The following CRYL1 variants were observed in gnomAD, a reference collection of about 807,000 sequenced individuals.
CRYL1 encodes the protein crystallin lambda 1.
Under a neutral mutation model 36.6 loss-of-function variants are expected in CRYL1, and 29 were observed. That is an observed-to-expected ratio of 0.79 (90% confidence interval 0.59 to 1.08). CRYL1 has a LOEUF of 1.08. Ranked by LOEUF, CRYL1 falls within the 50% of genes least tolerant of loss-of-function variation. The probability of loss-of-function intolerance (pLI) is 0.00; values close to 1 mark genes in which losing one functional copy is unlikely to be tolerated. For missense variants in CRYL1, 411 were observed against 407.9 expected, an observed-to-expected ratio of 1.01 and a Z score of -0.06; for synonymous variants, 152 against 151.5, an observed-to-expected ratio of 1.00 and a Z score of -0.02.
rs766916866 is a variant in CRYL1 at position 20,413,341 on chromosome 13, C to T, written c.680G>A (p.Gly227Glu). The change falls in exon 6 of 8, where the codon GGG becomes GAG. Residue 227 changes from glycine (G) to glutamate (E), a missense_variant. Transcript: ENST00000298248. Reference sequence around the variant, plus strand: ...AATGAATGCATACCGCATGCCCAACCCTTCTGACATGACAAGGTCCAGGTC... The same window carrying T: ...AATGAATGCATACCGCATGCCCAACTCTTCTGACATGACAAGGTCCAGGTC... ...PSDLDLVMSE[G>E]LGMRYAFIGP... 5.0e-6 allele frequency: 8 copies of T among 1,613,826 alleles called. No individual in the cohort carries two copies. Among genetic ancestry groups the T allele is most frequent in the Admixed American group, 1.7e-5 (1 of 59,922 alleles).
chr13:20,507,210 T>C (rs1347688286), intron 2 of CRYL1, among the ~76,000 whole-genome samples: 1 of 152,248 alleles, frequency 6.6e-6, no homozygotes, highest in Non-Finnish European at 1.5e-5. Flanking sequence ...TAATACCGGA[T>C]GGTTTTTACA....
chr13:20,494,748 A>G (rs2137480417), intron 2 of CRYL1, among the ~76,000 whole-genome samples: 1 of 152,322 alleles, frequency 6.6e-6, no homozygotes, highest in East Asian at 1.9e-4. Flanking sequence ...ACCACCCCGG[A>G]ATGAGAATGT....
chr13:20,483,523 GTCTT>G (rs2033323346), intron 3 of CRYL1, among the ~76,000 whole-genome samples: 1 of 151,918 alleles, frequency 6.6e-6, no homozygotes. Flanking sequence ...GCTCTGTACA[GTCTT>G]TCTTTTATTT....
rs2034172375 is a variant in CRYL1, at chr13:20,525,397, C to G, written c.41+357G>C. Among the ~76,000 whole-genome samples, 1 of 152,232 alleles carries G rather than the reference C, an allele frequency of 6.6e-6. No individual in the cohort carries two copies. The highest frequency in any genetic ancestry group is 2.1e-4 in the South Asian group (1 of 4,834). ...GATCGCAGCCAGAATTCGTTTCATT[C>G]AACACGGTGCCTGGCACTTCTATGT... On this transcript the variant is annotated intron_variant, in intron 1 of 7. Transcript: ENST00000298248. This position sits in a 1 kb window ranked among gnomAD's most constrained non-coding sequence, Gnocchi z 4.3.
At chr13:20,511,876 C>G (rs533229705) in intron 2 of CRYL1, among the ~76,000 whole-genome samples, 1 of 152,364 alleles carries the variant, frequency 6.6e-6, no homozygotes, top group South Asian at 2.1e-4. Flanking sequence ...TCTTAGCACT[C>G]AGCATTAAGT....
intron 3 of CRYL1, among the ~76,000 whole-genome samples, chr13:20,478,524 G>A (rs1335184035): frequency 2.0e-5 from 3 of 152,178 alleles, no homozygotes; most frequent in African/African-American, 7.2e-5. Context: ...CACCCAGGCT[G>A]GAGTACAGTG....
chr13:20,420,701 T>TTTTTTTTTTTGTGTG lies in CRYL1; in HGVS notation c.634-7315_634-7314insCACACAAAAAAAAAA. ...CTTTGACTTTTCTTTAAAATAGAGGTTGTGTGTGTGTGTGTGTGTGTGTGT... is the reference window on the plus strand; with the variant it reads ...CTTTGACTTTTCTTTAAAATAGAGGTTTTTTTTTTTGTGTGTGTGTGTGTGTGTGTGTGTGTGTGT... On this transcript the variant is annotated intron_variant, in intron 5 of 7. Transcript: ENST00000298248. Among the ~76,000 whole-genome samples the TTTTTTTTTTTGTGTG allele has an allele frequency of 3.2e-4, 7 of 21,838 alleles. 1 individual carries two copies. The highest frequency in any genetic ancestry group is 4.1e-4 in the Non-Finnish European group (3 of 7,326). 14.3% of individuals were successfully genotyped at this position (21,838 alleles called of 152,430 possible). A position where few individuals can be genotyped will look rare whatever the true frequency, so the allele number is the denominator to read the frequency against.
chr13:20,409,012 A>G (rs1593425209), intron 6 of CRYL1, among the ~76,000 whole-genome samples: 1 of 152,180 alleles, frequency 6.6e-6, no homozygotes, highest in South Asian at 2.1e-4. Flanking sequence ...TAAAGTTCAT[A>G]TGGAACCAAA....
At position 20,432,188 on chromosome 13, in the gene CRYL1, G is replaced by C. The variant is rs2032080610; in HGVS notation, c.547C>G (p.Pro183Ala). The change falls in exon 5 of 8, where the codon CCC (proline) becomes GCC (alanine). Residue 183 changes from proline to alanine, a missense_variant. By Grantham distance (27) the Pro-to-Ala change is conservative. Coordinates refer to ENST00000298248, the MANE Select transcript of CRYL1 (RefSeq NM_015974.3). ...HALMKKIGQC[P>A]MRVQKEVAGF... ...GCCACCTCCTTCTGGACTCGCATGG[G>C]GCACTGTCCAATCTTCTTCATCAGG... The C allele has an allele frequency of 6.2e-7, 1 of 1,614,056 alleles. No homozygotes were observed. Among genetic ancestry groups the C allele is most frequent in the Non-Finnish European group, 8.5e-7 (1 of 1,180,018 alleles).
At chr13:20,484,106 G>A (rs755017631) in intron 3 of CRYL1, among the ~76,000 whole-genome samples, 49 of 152,318 alleles carry the variant, frequency 3.2e-4, no homozygotes, top group Non-Finnish European at 6.2e-4. Context: ...GTGAGCCACC[G>A]CGCCTGGCCA....
chr13:20,458,237 G>A (rs1295954713), intron 3 of CRYL1, among the ~76,000 whole-genome samples: 1 of 152,138 alleles, frequency 6.6e-6, no homozygotes. Context: ...TATGTTCCCA[G>A]ACGTTTAAAA....
intron 1 of CRYL1, among the ~76,000 whole-genome samples, chr13:20,519,032 G>T (rs763589516): frequency 4.2e-4 from 64 of 152,312 alleles, no homozygotes; most frequent in Non-Finnish European, 2.2e-4. Flanking sequence ...ATCGCTGGCT[G>T]TAAGTATCCA....
intron 3 of CRYL1, among the ~76,000 whole-genome samples, chr13:20,485,817 C>T (rs568138578): frequency 6.6e-6 from 1 of 152,200 alleles, no homozygotes; most frequent in African/African-American, 2.4e-5. Flanking sequence ...TACTAAATAC[C>T]TTCCTTGCAG....
intron 3 of CRYL1, among the ~76,000 whole-genome samples, chr13:20,459,827 AC>A (rs1209595661): frequency 6.6e-6 from 1 of 152,202 alleles, no homozygotes; most frequent in Non-Finnish European, 1.5e-5. Context: ...CTGCATATGT[AC>A]CCCTTGAACC....
chr13:20,499,345 CAAAAAA>C (rs34461619), intron 2 of CRYL1, among the ~76,000 whole-genome samples: 40 of 114,632 alleles, frequency 3.5e-4, no homozygotes, highest in African/African-American at 1.4e-3. Context: ...GACCCTGTCT[CAAAAAA>C]AAAAAAAAAA....
intron 3 of CRYL1, among the ~76,000 whole-genome samples, chr13:20,487,009 A>G (rs1238204351): frequency 1.3e-5 from 2 of 152,214 alleles, no homozygotes; most frequent in Non-Finnish European, 2.9e-5. Context: ...ATGTTCTCAT[A>G]TTATGGAGGG....
chr13:20,439,537 A>AAAAAAAAAAAAAAAAAAAAAG, intron 4 of CRYL1, 56 bp downstream of exon 4: 3 of 1,370,138 alleles, frequency 2.2e-6, no homozygotes, highest in South Asian at 1.6e-5. Context: ...AAAAGAAAAA[A>AAAAAAAAAAAAAAAAAAAAAG]AAAAAACACA....
Position 20,425,172 on chromosome 13 carries a change from A to G in CRYL1, c.633+6930T>C, listed in dbSNP as rs1464409926. On this transcript the variant is annotated intron_variant, in intron 5 of 7. Coordinates refer to ENST00000298248, the MANE Select transcript of CRYL1 (RefSeq NM_015974.3). This position sits in a 1 kb window ranked among gnomAD's most constrained non-coding sequence, Gnocchi z 4.4. ...CTTCCAACGCCGTCCTTCCCCAGAA[A>G]AGCTGCCAGCAGGACCCCGTCTCCT... is the stretch of plus-strand genomic sequence containing the variant. 6.6e-6 allele frequency among the ~76,000 whole-genome samples: 1 copy of G among 152,160 alleles called. No individual in the cohort carries two copies. The highest frequency in any genetic ancestry group is 2.4e-5 in the African/African-American group (1 of 41,444).
intron 3 of CRYL1, among the ~76,000 whole-genome samples, chr13:20,450,649 G>A (rs895098933): frequency 1.3e-5 from 2 of 152,162 alleles, no homozygotes; most frequent in Admixed American, 1.3e-4. Context: ...GGAAGACAGT[G>A]TGGCGATTCC....
Sources: gnomAD v4.1 joint callset for allele counts (sites outside exome capture counted in the v4.1 genomes callset) on GRCh38, gnomAD v4.1.1 for gene constraint, Gnocchi (gnomAD v3.1) non-coding constraint, MANE v1.5 for transcripts, NCBI Gene and HGNC (gene_info 2026-07-23, HGNC 2026-07-21) for gene names.